NAA11: variants seen among roughly 807,000 people sequenced by gnomAD.
The protein encoded by NAA11 is N-alpha-acetyltransferase 11.
In NAA11, 15 loss-of-function variants were observed where a neutral mutation model predicts 16.1. The ratio of observed to expected loss-of-function variants is 0.93; its 90% CI spans 0.62 to 1.44. The LOEUF (loss-of-function observed/expected upper bound fraction) is 1.44, where lower values mean the gene tolerates loss of function less well. Among genes scored for constraint, NAA11 ranks in the 40% most tolerant of loss-of-function variants. The probability of loss-of-function intolerance (pLI) is 0.00; values close to 1 mark genes in which losing one functional copy is unlikely to be tolerated. For missense variants in NAA11, 298 were observed against 291.3 expected (o/e 1.02, Z -0.17); for synonymous variants, 122 against 112.4 (o/e 1.09, Z -0.54).
the NAA11 span, among the ~76,000 whole-genome samples, chr4:79,213,591 T>C: frequency 6.6e-6 from 1 of 152,168 alleles, no homozygotes; most frequent in African/African-American, 2.4e-5. Flanking sequence ...ATAGTTAAAC[T>C]CTTATTTATT....
At chr4:79,272,560 C>G (rs6839925) in intron 2 of NAA11, among the ~76,000 whole-genome samples, 67,476 of 151,072 alleles carry the variant, frequency 0.45, 15,597 homozygotes, top group Middle Eastern at 0.56. Context: ...CATTATAAGC[C>G]CTTAACTTTT....
the NAA11 span, among the ~76,000 whole-genome samples, chr4:79,173,735 G>A: frequency 1.5e-4 from 23 of 152,054 alleles, no homozygotes; most frequent in African/African-American, 5.6e-4. Flanking sequence ...AGGCAAAGAG[G>A]TGGGCATTAA....
At chr4:79,209,082 T>G in the NAA11 span, among the ~76,000 whole-genome samples, 3 of 152,098 alleles carry the variant, frequency 2.0e-5, no homozygotes, top group East Asian at 5.8e-4. Flanking sequence ...GCCTGAAATT[T>G]GTAAATGGAC....
chr4:79,262,010 A>C (rs1002116216), intron 2 of NAA11, among the ~76,000 whole-genome samples: 5 of 152,254 alleles, frequency 3.3e-5, no homozygotes, highest in African/African-American at 1.2e-4. Flanking sequence ...AAAACATTAG[A>C]GAGAACTGGA....
rs115088228 is a variant in NAA11, at chr4:79,244,002, A to G, written c.*123-17732T>C. On this transcript the variant is annotated intron_variant and NMD_transcript_variant, in intron 2 of 2. Coordinates refer to the NAA11 transcript ENST00000511542. ...GTTTAGAGAGTTATAGGCATGCCCA[A>G]CTGAGGCTTTCTTCCTTTTTCCAAT... Among the ~76,000 whole-genome samples the G allele has an allele frequency of 3.1e-3, 465 of 152,330 alleles. 2 individuals are homozygous for G. The highest frequency in any genetic ancestry group is 0.011 in the African/African-American group (437 of 41,576).
the NAA11 span, among the ~76,000 whole-genome samples, chr4:79,206,970 A>G: frequency 6.6e-6 from 1 of 152,084 alleles, no homozygotes; most frequent in Non-Finnish European, 1.5e-5. Context: ...GCTATTATAA[A>G]TGGAATTAAG....
At chr4:79,320,140 G>A (rs897834841) in intron 1 of NAA11, among the ~76,000 whole-genome samples, 1 of 152,190 alleles carries the variant, frequency 6.6e-6, no homozygotes, top group African/African-American at 2.4e-5. Context: ...CAACCAGCAT[G>A]TTTTGAACTG....
chr4:79,182,990 T>C, the NAA11 span, among the ~76,000 whole-genome samples: 7 of 152,156 alleles, frequency 4.6e-5, no homozygotes, highest in Non-Finnish European at 8.8e-5. Flanking sequence ...CTGAGATATC[T>C]TTACAGGAAT....
At chr4:79,244,619 TC>T (rs1467857750) in intron 2 of NAA11, 1 of 35,904 alleles carries the variant, frequency 2.8e-5, no homozygotes, top group African/African-American at 7.0e-5. Context: ...ACTCTCCCTC[TC>T]CCCCTCCCCC....
chr4:79,166,510 C>T, the NAA11 span, among the ~76,000 whole-genome samples: 2 of 150,360 alleles, frequency 1.3e-5, no homozygotes, highest in South Asian at 4.2e-4. Flanking sequence ...CACTACCATA[C>T]CTGCCTATTA....
chr4:79,261,296 G>A (rs1402729458), intron 2 of NAA11, among the ~76,000 whole-genome samples: 1 of 152,052 alleles, frequency 6.6e-6, no homozygotes, highest in Non-Finnish European at 1.5e-5. Flanking sequence ...TATGCTTCAG[G>A]TATTGTTTTG....
At chr4:79,321,128 T>C (rs1251429502) in intron 1 of NAA11, among the ~76,000 whole-genome samples, 1 of 152,174 alleles carries the variant, frequency 6.6e-6, no homozygotes, top group Non-Finnish European at 1.5e-5. Context: ...TAAATATATG[T>C]CAGGTGTTTA....
intron 2 of NAA11, chr4:79,227,824 C>G (rs1721355598): frequency 6.6e-6 from 1 of 151,982 alleles, no homozygotes; most frequent in Non-Finnish European, 1.5e-5. Flanking sequence ...AAAAAACTCC[C>G]TGCTCTTCCT....
chr4:79,192,148 T>A, the NAA11 span, among the ~76,000 whole-genome samples: 1 of 152,208 alleles, frequency 6.6e-6, no homozygotes, highest in East Asian at 1.9e-4. Context: ...TTGCTTAGGA[T>A]TGCCTTGGCT....
downstream of NAA11, among the ~76,000 whole-genome samples, chr4:79,225,510 G>A (rs1721289416): frequency 6.6e-6 from 1 of 152,050 alleles, no homozygotes; most frequent in East Asian, 1.9e-4. Flanking sequence ...ACTTGAACAA[G>A]GATCAGGCAG....
chr4:79,168,270 T>C, the NAA11 span, among the ~76,000 whole-genome samples: 3 of 152,202 alleles, frequency 2.0e-5, no homozygotes, highest in South Asian at 2.1e-4. Flanking sequence ...CAGTCTATCA[T>C]TGATGGCCAT....
chr4:79,206,410 C>A, the NAA11 span, among the ~76,000 whole-genome samples: 1 of 152,040 alleles, frequency 6.6e-6, no homozygotes, highest in Non-Finnish European at 1.5e-5. Context: ...ATAGTAACTT[C>A]TCTTAGAAGC....
intron 2 of NAA11, among the ~76,000 whole-genome samples, chr4:79,274,767 G>C (rs907594237): frequency 6.6e-6 from 1 of 152,076 alleles, no homozygotes; most frequent in Non-Finnish European, 1.5e-5. Flanking sequence ...AACACATACT[G>C]TGTGTTTGGC....
At position 79,318,045 on chromosome 4, in the gene NAA11, T is replaced by C. The variant is rs1057221522; in HGVS notation, c.*13-254A>G. ...AACCTTTCCTGACATCTAAAGGACA[T>C]TTCTGCCAGGAGAAAGGGACAGGAA... is the stretch of plus-strand genomic sequence containing the variant. On this transcript the variant is annotated intron_variant, in intron 1 of 1. Coordinates refer to ENST00000286794, the MANE Select transcript of NAA11 (RefSeq NM_032693.3). Among the ~76,000 whole-genome samples the C allele has an allele frequency of 2.0e-5, 3 of 152,152 alleles. No homozygotes were observed. In the East Asian group the frequency reaches 5.8e-4, roughly 29 times the overall value.
Sources: allele counts gnomAD v4.1 joint callset (sites outside exome capture counted in the v4.1 genomes callset), GRCh38; gene constraint gnomAD v4.1.1; transcripts MANE v1.5; gene names NCBI Gene and HGNC (gene_info 2026-07-23, HGNC 2026-07-21).